ABL1: variants seen among roughly 807,000 people sequenced by gnomAD.
ABL1 encodes the protein ABL proto-oncogene 1, non-receptor tyrosine kinase.
In ABL1, 11 loss-of-function variants were observed where a neutral mutation model predicts 94.7. The observed-to-expected ratio is 0.12, with a 90% confidence interval of 0.07 to 0.19. The LOEUF is 0.19. Ranked by LOEUF, ABL1 falls within the 10% of genes least tolerant of loss-of-function variation. The probability of loss-of-function intolerance (pLI) is 1.00; values close to 1 mark genes in which losing one functional copy is unlikely to be tolerated. For missense variants in ABL1, 1,082 were observed against 1,489.4 expected, an observed-to-expected ratio of 0.73 and a Z score of 4.50; for synonymous variants, 656 against 622.4, an observed-to-expected ratio of 1.05 and a Z score of -0.80.
intron 1 of ABL1, among the ~76,000 whole-genome samples, chr9:130,794,430 CTT>C (rs1465389117): frequency 1.3e-5 from 2 of 152,090 alleles, no homozygotes; most frequent in Non-Finnish European, 2.9e-5. Context: ...TTGAAAGAGT[CTT>C]TTTTTAAAGG....
intron 1 of ABL1, among the ~76,000 whole-genome samples, chr9:130,745,829 C>G (rs1430240113): frequency 6.6e-6 from 1 of 151,940 alleles, no homozygotes; most frequent in East Asian, 1.9e-4. Context: ...GTAGAATGTA[C>G]CCCTACCAAA....
At chr9:130,799,404 C>T (rs184544546) in intron 1 of ABL1, among the ~76,000 whole-genome samples, 15 of 152,222 alleles carry the variant, frequency 9.9e-5, no homozygotes, top group Non-Finnish European at 1.2e-4. Context: ...ACAGTTTACT[C>T]CTTTAAAGTA....
chr9:130,816,837 G>T, intron 1 of ABL1, among the ~76,000 whole-genome samples: 1 of 152,190 alleles, frequency 6.6e-6, no homozygotes, highest in Non-Finnish European at 1.5e-5. Flanking sequence ...CCAAGTAGCT[G>T]GGATTAGAGG....
At chr9:130,785,248 G>T (rs769406393) in intron 1 of ABL1, among the ~76,000 whole-genome samples, 7 of 152,164 alleles carry the variant, frequency 4.6e-5, no homozygotes, top group Non-Finnish European at 8.8e-5. Context: ...GGACTGGCGT[G>T]CAAGATGCCC....
intron 1 of ABL1, among the ~76,000 whole-genome samples, chr9:130,733,558 C>T (rs1003945864): frequency 6.0e-5 from 9 of 149,678 alleles, no homozygotes; most frequent in East Asian, 3.9e-4. Flanking sequence ...TGCACCACTG[C>T]GCCTGGCTGT....
chr9:130,819,539 T>G lies in ABL1; in HGVS notation c.137-34525T>G, dbSNP rs978702585. ...GGAAGTGAAGAAAAATACCTTTTTT[T>G]TTTTTTTTTTTTTTTTGGAGACGGA... On this transcript the variant is annotated intron_variant, in intron 1 of 10. Coordinates refer to the ABL1 transcript ENST00000372348. Among the ~76,000 whole-genome samples, 809 of 141,484 alleles carry G rather than the reference T, an allele frequency of 5.7e-3. 8 individuals are homozygous for G. Among genetic ancestry groups the G allele is most frequent in the African/African-American group, 0.02 (760 of 37,436 alleles). The allele number at this position is 141,484 out of a possible 152,430, so 92.8% of individuals were successfully genotyped here.
chr9:130,766,737 T>C (rs1191340968), intron 1 of ABL1, among the ~76,000 whole-genome samples: 1 of 152,058 alleles, frequency 6.6e-6, no homozygotes, highest in African/African-American at 2.4e-5. Flanking sequence ...CACCACCCAC[T>C]GCTCTGCTGT....
intron 1 of ABL1, among the ~76,000 whole-genome samples, chr9:130,787,701 A>G (rs569720731): frequency 6.6e-6 from 1 of 152,288 alleles, no homozygotes; most frequent in South Asian, 2.1e-4. Context: ...CCCATGGAAA[A>G]GGGTTTGCAA....
chr9:130,813,372 T>C (rs191050565), intron 1 of ABL1, among the ~76,000 whole-genome samples: 81 of 151,048 alleles, frequency 5.4e-4, no homozygotes, highest in African/African-American at 1.9e-3. Context: ...CCATCCTGGC[T>C]AACATGGTGA....
intron 1 of ABL1, among the ~76,000 whole-genome samples, chr9:130,716,770 G>T (rs1261002612): frequency 6.6e-6 from 1 of 151,840 alleles, no homozygotes; most frequent in Non-Finnish European, 1.5e-5. Context: ...TCCTCTTCGG[G>T]GTAGAGTTTC....
chr9:130,725,414 C>T (rs1831568505), intron 1 of ABL1, among the ~76,000 whole-genome samples: 2 of 151,982 alleles, frequency 1.3e-5, no homozygotes, highest in Admixed American at 1.3e-4. Context: ...GAGTTTTGCT[C>T]TTGTTGCCCA....
At position 130,872,838 on chromosome 9, in the gene ABL1, G is replaced by T; in HGVS notation, c.908-22G>T. ...GTTGGGAGCGGAGCCACGTGTTGAA[G>T]TCCTCGTTGTCTTGTTGGCAGGGGT... On this transcript the variant is annotated intron_variant, in intron 5 of 10. Coordinates refer to ENST00000318560, the MANE Select transcript of ABL1 (RefSeq NM_005157.6). This position sits in a 1 kb window ranked among gnomAD's most constrained non-coding sequence, Gnocchi z 5.0. The T allele has an allele frequency of 6.3e-7, 1 of 1,598,526 alleles. No individual in the cohort carries two copies. Among genetic ancestry groups the T allele is most frequent in the Non-Finnish European group, 8.5e-7 (1 of 1,169,676 alleles).
intron 1 of ABL1, among the ~76,000 whole-genome samples, chr9:130,808,231 TCTTCTTCTTC>T (rs1830155248): frequency 1.4e-5 from 2 of 141,612 alleles, no homozygotes; most frequent in Admixed American, 7.1e-5. Context: ...TTCTTCTTCT[TCTTCTTCTTC>T]TTCTTCTTTT....
intron 1 of ABL1, among the ~76,000 whole-genome samples, chr9:130,747,781 C>T (rs1199390148): frequency 1.3e-5 from 2 of 152,122 alleles, no homozygotes; most frequent in Non-Finnish European, 2.9e-5. Flanking sequence ...GGATAATGCC[C>T]CCATCTCAAG....
intron 1 of ABL1, among the ~76,000 whole-genome samples, chr9:130,778,686 T>A (rs946752147): frequency 2.6e-5 from 4 of 151,514 alleles, no homozygotes; most frequent in Non-Finnish European, 1.5e-5. Context: ...TGTTGAAATA[T>A]CTAGTATGAT....
intron 1 of ABL1, among the ~76,000 whole-genome samples, chr9:130,749,574 C>A (rs544775171): frequency 6.6e-6 from 1 of 152,168 alleles, no homozygotes; most frequent in African/African-American, 2.4e-5. Context: ...ATATTTGCTT[C>A]TAGCTCATAT....
At chr9:130,775,581 A>G (rs1564286915) in intron 1 of ABL1, among the ~76,000 whole-genome samples, 2 of 152,172 alleles carry the variant, frequency 1.3e-5, no homozygotes, top group East Asian at 1.9e-4. Context: ...AACGCAGCAT[A>G]GAGAGACAGA....
chr9:130,819,565 G>A (rs1160666059), intron 1 of ABL1, among the ~76,000 whole-genome samples: 9 of 127,450 alleles, frequency 7.1e-5, no homozygotes, highest in African/African-American at 1.9e-4. Flanking sequence ...TGGAGACGGA[G>A]CCTCACTTTG....
At chr9:130,718,333 A>AAG (rs1831472214) in intron 1 of ABL1, among the ~76,000 whole-genome samples, 1 of 151,608 alleles carries the variant, frequency 6.6e-6, no homozygotes, top group Admixed American at 6.6e-5. Context: ...AAAAAAAAAA[A>AAG]AAAAGAAACT....
Sources: gnomAD v4.1 joint callset for allele counts (sites outside exome capture counted in the v4.1 genomes callset) on GRCh38, gnomAD v4.1.1 for gene constraint, Gnocchi (gnomAD v3.1) non-coding constraint, MANE v1.5 for transcripts, NCBI Gene and HGNC (gene_info 2026-07-23, HGNC 2026-07-21) for gene names.